DMD: variants seen among roughly 807,000 people sequenced by gnomAD.
DMD encodes dystrophin.
DMD carries 63 observed loss-of-function variants against 330.1 expected under a neutral mutation model. The observed-to-expected ratio is 0.19, with a 90% CI of 0.16 to 0.24. DMD has a LOEUF of 0.24. Among genes scored for constraint, DMD ranks in the 10% least tolerant of loss-of-function variants. DMD has a pLI of 1.00. For synonymous variants in DMD, 1,223 were observed against 959.8 expected (o/e 1.27, Z -5.07); for missense variants, 3,344 against 2,684.1 (o/e 1.25, Z -5.43).
At chrX:32,146,614 C>T (rs72626017) in intron 44 of DMD, among the ~76,000 whole-genome samples, 14,462 of 111,457 alleles carry the variant, frequency 0.13, 1,562 homozygotes, top group African/African-American at 0.35. Flanking sequence ...AAGAGCTCAG[C>T]AAGTGTTAAG....
chrX:31,455,690 A>G (rs1008024552), intron 59 of DMD, among the ~76,000 whole-genome samples: 2 of 112,259 alleles, frequency 1.8e-5, no homozygotes, highest in Non-Finnish European at 1.9e-5. Flanking sequence ...TTCTTTGGGC[A>G]AGAATATAAC....
At chrX:31,650,110 C>CTT (rs113030035) in intron 54 of DMD, among the ~76,000 whole-genome samples, 7 of 85,797 alleles carry the variant, frequency 8.2e-5, no homozygotes, top group Admixed American at 2.6e-4. Flanking sequence ...ACAAACTTGG[C>CTT]TTTTTTTTTT....
chrX:32,417,822 T>TAC (rs397933423), intron 29 of DMD, among the ~76,000 whole-genome samples: 3,360 of 105,270 alleles, frequency 0.032, 84 homozygotes, highest in African/African-American at 0.074. Flanking sequence ...GTATCTCTGT[T>TAC]ACACACACAC....
At chrX:31,617,710 A>G (rs147745701) in intron 55 of DMD, among the ~76,000 whole-genome samples, 4,330 of 111,173 alleles carry the variant, frequency 0.039, 206 homozygotes, top group African/African-American at 0.13. Flanking sequence ...CAACCCAGCA[A>G]TGCCATTACT....
chrX:32,448,362 T>C, intron 27 of DMD, 94 bp downstream of exon 27: 3 of 1,000,903 alleles, frequency 3.0e-6, no homozygotes, highest in Non-Finnish European at 4.2e-6. Flanking sequence ...AAGCCAAAGT[T>C]GTTTTGCACT....
intron 9 of DMD, among the ~76,000 whole-genome samples, chrX:32,687,916 G>GT (rs769168170): frequency 4.5e-5 from 5 of 111,244 alleles, no homozygotes; most frequent in Non-Finnish European, 9.4e-5. Flanking sequence ...TCAATCAGTT[G>GT]TAACACGAAT....
chrX:32,923,435 C>A (rs1312413857), intron 2 of DMD, among the ~76,000 whole-genome samples: 1 of 109,545 alleles, frequency 9.1e-6, no homozygotes, highest in East Asian at 2.9e-4. Context: ...GTGGCACACC[C>A]CTGTAATCCC....
intron 7 of DMD, among the ~76,000 whole-genome samples, chrX:32,752,934 C>A (rs2148303561): frequency 9.0e-6 from 1 of 111,088 alleles, no homozygotes; most frequent in East Asian, 2.8e-4. Flanking sequence ...CTTCCCCATC[C>A]ACATAGAATT....
rs201013595 is a variant in DMD, at chrX:31,425,321, TAAGA to T, written c.9084+19156_9084+19159del. On this transcript the variant is annotated intron_variant, in intron 60 of 78. Transcript: ENST00000357033. ...ACTGTTATTCTGTTGCAAATGGTGA[TAAGA>T]AAGCCAATATCATACATTATTTACT... 1.1e-3 allele frequency among the ~76,000 whole-genome samples: 129 copies of T among 112,455 alleles called. No homozygotes were observed. The East Asian group carries it at 0.026, about 23-fold the overall frequency.
chrX:32,875,988 T>G (rs2083346526), intron 2 of DMD, among the ~76,000 whole-genome samples: 1 of 111,843 alleles, frequency 8.9e-6, no homozygotes, highest in Admixed American at 9.5e-5. Context: ...AGTTGTGGTA[T>G]CTTGCCTATG....
At chrX:31,364,777 C>G (rs2148607575) in intron 60 of DMD, among the ~76,000 whole-genome samples, 1 of 111,074 alleles carries the variant, frequency 9.0e-6, no homozygotes, top group Non-Finnish European at 1.9e-5. Context: ...AAGATTTCCC[C>G]CAGTCTCATT....
chrX:31,556,469 T>C (rs1360252215), intron 55 of DMD, among the ~76,000 whole-genome samples: 1 of 108,228 alleles, frequency 9.2e-6, no homozygotes, highest in Non-Finnish European at 1.9e-5. Flanking sequence ...TGCTTAATCA[T>C]TTGCTACATT....
chrX:31,169,518 T>C lies in DMD; in HGVS notation c.10478A>G (p.Gln3493Arg), dbSNP rs1338614317. The C allele has an allele frequency of 8.3e-7, 1 of 1,200,148 alleles. No individual in the cohort carries two copies. Among genetic ancestry groups the C allele is most frequent in the Non-Finnish European group, 1.1e-6 (1 of 887,238 alleles). Residue 3493 changes from glutamine to arginine, a missense_variant, in exon 74 of 79, where the codon CAG (glutamine) becomes CGG (arginine). Transcript: ENST00000357033. ...SPLSQPRSPA[Q>R]ILISLESEER... is the part of the protein sequence containing the mutation. ...CTCACTCTCTAAGGAAATCAAGATC[T>C]GGGCAGGACTACGAGGCTGGCTCAG...
chrX:31,476,414 TATATATACAC>T (rs2067776630), intron 59 of DMD, among the ~76,000 whole-genome samples: 1 of 98,289 alleles, frequency 1.0e-5, no homozygotes, highest in Admixed American at 1.1e-4. Context: ...TATATATATA[TATATATACAC>T]ACACACACAC....
chrX:33,273,897 A>G (rs914949056), intron 1 of DMD, among the ~76,000 whole-genome samples: 10 of 112,259 alleles, frequency 8.9e-5, no homozygotes, highest in African/African-American at 3.2e-4. Context: ...AATAAGAAAT[A>G]TTGCCTCACA....
At chrX:32,877,716 C>T (rs1159626388) in intron 2 of DMD, among the ~76,000 whole-genome samples, 2 of 111,879 alleles carry the variant, frequency 1.8e-5, no homozygotes, top group African/African-American at 3.3e-5. Flanking sequence ...AAACAGAGAT[C>T]CGGAAGTGCC....
At position 31,875,172 on chromosome X, in the gene DMD, G is replaced by T. The variant is rs745324630; in HGVS notation, c.7098+16C>A. 4.2e-6 allele frequency: 5 copies of T among 1,189,194 alleles called. No homozygotes were observed. Among genetic ancestry groups the T allele is most frequent in the Non-Finnish European group, 5.7e-6 (5 of 882,655 alleles). On this transcript the variant is annotated intron_variant, in intron 48 of 78. Coordinates refer to ENST00000357033, the MANE Select transcript of DMD (RefSeq NM_004006.3). ...CTTAAAAAAGACAAAAATATTTAAAGCAAAAAGTTCCCTACCTTAACGTCA... is the reference window on the plus strand; with the variant it reads ...CTTAAAAAAGACAAAAATATTTAAATCAAAAAGTTCCCTACCTTAACGTCA...
intron 74 of DMD, among the ~76,000 whole-genome samples, chrX:31,160,181 T>G (rs989777643): frequency 9.0e-6 from 1 of 111,266 alleles, no homozygotes; most frequent in Non-Finnish European, 1.9e-5. Context: ...ATCAAGTCAC[T>G]GGTGGCAATT....
intron 1 of DMD, among the ~76,000 whole-genome samples, chrX:33,207,753 G>A (rs188642464): frequency 1.1e-4 from 12 of 111,850 alleles, no homozygotes; most frequent in Middle Eastern, 4.6e-3. Flanking sequence ...GATGTTTTAC[G>A]TAGGGAAAAG....
Sources: allele counts gnomAD v4.1 joint callset (sites outside exome capture counted in the v4.1 genomes callset), GRCh38; gene constraint gnomAD v4.1.1; transcripts MANE v1.5; gene names NCBI Gene and HGNC (gene_info 2026-07-23, HGNC 2026-07-21).